The following NPTXR variants were observed in gnomAD, a reference collection of about 807,000 sequenced individuals.
NPTXR encodes neuronal pentraxin receptor.
In NPTXR, 12 loss-of-function variants were observed where a neutral mutation model predicts 32.2. That is an observed-to-expected ratio of 0.37 (90% CI 0.24 to 0.60). NPTXR has a LOEUF of 0.60. Ranked by LOEUF, NPTXR falls within the 20% of genes least tolerant of loss-of-function variation. The pLI is 0.66. For synonymous variants in NPTXR, 323 were observed against 315.8 expected (o/e 1.02, Z -0.24); for missense variants, 612 against 682.9 (o/e 0.90, Z 1.16).
In NPTXR at chr22:38,819,161, T is replaced by A. The variant is rs1191588049; in HGVS notation, c.*3448A>T. 2 of 152,268 alleles carry A rather than the reference T, an allele frequency of 1.3e-5. No individual in the cohort carries two copies. The highest frequency in any genetic ancestry group is 2.9e-5 in the Non-Finnish European group (2 of 68,064). 9.4% of individuals were successfully genotyped at this position (152,268 alleles called of 1,614,324 possible). A position where few individuals can be genotyped will look rare whatever the true frequency, so the allele number is the denominator to read the frequency against. ...ATGGGAAGATCTGGCAGATAACAGC[T>A]GGGAAGCAACTGGTGCAGGGCTTGG... On this transcript the variant is annotated 3_prime_UTR_variant, in exon 5 of 5. Transcript: ENST00000333039.
Position 38,823,136 on chromosome 22 carries a change from C to T in NPTXR, c.1225G>A (p.Ala409Thr). The change falls in exon 4 of 5, where the codon GCT becomes ACT. Residue 409 changes from alanine (A) to threonine (T), a missense_variant. Transcript: ENST00000333039. ...TGAGGCTTGATGGGGTGCCAGGCAG[C>T]CAGGTTCTCACCGGAGCCCTGCAGC... is the stretch of plus-strand genomic sequence containing the variant. The T allele has an allele frequency of 6.2e-7, 1 of 1,614,170 alleles. No individual in the cohort carries two copies.
intron 1 of NPTXR, among the ~76,000 whole-genome samples, chr22:38,835,808 C>G (rs1198902722): frequency 6.6e-6 from 1 of 152,178 alleles, no homozygotes; most frequent in African/African-American, 2.4e-5. Flanking sequence ...GCCTCAGCTT[C>G]CCCTGGAGTG....
chr22:38,832,361 C>A (rs1294138055), intron 1 of NPTXR, among the ~76,000 whole-genome samples: 3 of 152,240 alleles, frequency 2.0e-5, no homozygotes. Flanking sequence ...GACGCCAGCA[C>A]CCCCACTCAG....
Position 38,843,493 on chromosome 22 carries a change from C to A in NPTXR, c.366G>T (p.Glu122Asp). ...CGGCCGTGCTCTGCAGCAGCAGCAG[C>A]TCTTCGCGCTCGCCCGGCGCAGCGC... The change falls in exon 1 of 5, where the codon GAG becomes GAT. Residue 122 changes from glutamate (E) to aspartate (D), a missense_variant. By Grantham distance (45) the Glu-to-Asp change is conservative (BLOSUM62 2). Transcript: ENST00000333039. This position sits in a 1 kb window ranked among gnomAD's most constrained non-coding sequence, Gnocchi z 5.3. 1 of 1,294,066 alleles carries A rather than the reference C, an allele frequency of 7.7e-7. No individual in the cohort carries two copies. The highest frequency in any genetic ancestry group is 2.3e-5 in the South Asian group (1 of 43,046). 80.2% of individuals were successfully genotyped at this position (1,294,066 alleles called of 1,614,324 possible).
rs930438328 is a variant in NPTXR, at chr22:38,822,449, G to C, written c.*160C>G. ...ACAGGGGACACACTCGCAGGGCAGG[G>C]CATTCTGGAGGTGTGGGTACAGGTG... On this transcript the variant is annotated 3_prime_UTR_variant, in exon 5 of 5. Transcript: ENST00000333039. The C allele has an allele frequency of 1.5e-5, 10 of 648,776 alleles. No individual in the cohort carries two copies. In the African/African-American group the frequency reaches 1.8e-4, roughly 12 times the overall value. 40.2% of individuals were successfully genotyped at this position (648,776 alleles called of 1,614,324 possible).
Position 38,820,577 on chromosome 22 carries a change from C to T in NPTXR, c.*2032G>A, listed in dbSNP as rs1481995345. The T allele has an allele frequency of 1.3e-5, 2 of 152,212 alleles. No homozygotes were observed. Among genetic ancestry groups the T allele is most frequent in the Admixed American group, 6.5e-5 (1 of 15,286 alleles). The allele number at this position is 152,212 out of a possible 1,614,324, so 9.4% of individuals were successfully genotyped here. On this transcript the variant is annotated 3_prime_UTR_variant, in exon 5 of 5. Coordinates refer to ENST00000333039, the MANE Select transcript of NPTXR (RefSeq NM_014293.4). ...GCGCCCAGGGATCATAACCTCCTCC[C>T]CGCACTTCCTGGGGTGGGGATGCCA...
chr22:38,826,859 C>A, intron 2 of NPTXR, 112 bp from the exon 3 acceptor site: 1 of 1,254,732 alleles, frequency 8.0e-7, no homozygotes, highest in Non-Finnish European at 1.1e-6. Flanking sequence ...CTGCTGCATG[C>A]CCAGTGCCTT....
At chr22:38,824,624 G>GCGGGAA (rs2093103433) in intron 3 of NPTXR, among the ~76,000 whole-genome samples, 1 of 152,206 alleles carries the variant, frequency 6.6e-6, no homozygotes, top group Admixed American at 6.5e-5. Flanking sequence ...GGAACAGTGA[G>GCGGGAA]CAGTCTGTTA....
Position 38,826,396 on chromosome 22 carries a change from C to T in NPTXR, c.1098+104G>A. On this transcript the variant is annotated intron_variant, in intron 3 of 4. Transcript: ENST00000333039. Reference sequence around the variant, plus strand: ...AGGTACTTAATGTGTGCTGAATATGCAGAGCAGGAGAATGAGCAGGAGAAT... The same window carrying T: ...AGGTACTTAATGTGTGCTGAATATGTAGAGCAGGAGAATGAGCAGGAGAAT... 2.2e-6 allele frequency: 3 copies of T among 1,352,006 alleles called. No homozygotes were observed. The South Asian group carries it at 4.1e-5, about 18-fold the overall frequency. The allele number at this position is 1,352,006 out of a possible 1,614,324, so 83.8% of individuals were successfully genotyped here. A position where few individuals can be genotyped will look rare whatever the true frequency, so the allele number is the denominator to read the frequency against.
At chr22:38,839,144 C>T (rs1464913642) in intron 1 of NPTXR, among the ~76,000 whole-genome samples, 1 of 152,228 alleles carries the variant, frequency 6.6e-6, no homozygotes, top group Non-Finnish European at 1.5e-5. Context: ...TTGGCTCCCA[C>T]TCCAGGATGG....
rs764050642 is a variant in NPTXR, at chr22:38,826,637, C to T, written c.961G>A (p.Ala321Thr). The T allele has an allele frequency of 4.5e-5, 73 of 1,614,126 alleles. No homozygotes were observed. The highest frequency in any genetic ancestry group is 1.6e-4 in the Middle Eastern group (1 of 6,082). The stretch of plus-strand genomic sequence containing the variant: ...GACCTGGACCGCAGCCACATGCAGG[C>T]GGTGAATGCGTAGAGCTCGGGCAGA... The change falls in exon 3 of 5, where the codon GCC becomes ACC. Residue 321 changes from alanine to threonine, a missense_variant. By Grantham distance (58) the Ala-to-Thr change is moderately conservative. Coordinates refer to ENST00000333039, the MANE Select transcript of NPTXR (RefSeq NM_014293.4).
chr22:38,831,697 G>A (rs1008398152), intron 1 of NPTXR, among the ~76,000 whole-genome samples: 9 of 152,088 alleles, frequency 5.9e-5, no homozygotes, highest in African/African-American at 1.9e-4. Flanking sequence ...CTGGAAGGGC[G>A]GGCTGGGGCA....
At chr22:38,835,552 C>T (rs2093122755) in intron 1 of NPTXR, among the ~76,000 whole-genome samples, 2 of 152,110 alleles carry the variant, frequency 1.3e-5, no homozygotes, top group African/African-American at 4.8e-5. Context: ...GACCCCAGAC[C>T]GTGTCTAAAG....
rs955183438 is a variant in NPTXR, at chr22:38,820,617, T to C, written c.*1992A>G. ...TGGGGATGCCAAGATGTTTGGGTGT[T>C]GCATAAAGGAAGATGTTCAGGTGTC... On this transcript the variant is annotated 3_prime_UTR_variant, in exon 5 of 5. Transcript: ENST00000333039. 1 of 152,200 alleles carries C rather than the reference T, an allele frequency of 6.6e-6. No homozygotes were observed. Among genetic ancestry groups the C allele is most frequent in the African/African-American group, 2.4e-5 (1 of 41,414 alleles). The allele number at this position is 152,200 out of a possible 1,614,324, so 9.4% of individuals were successfully genotyped here. A position where few individuals can be genotyped will look rare whatever the true frequency, so the allele number is the denominator to read the frequency against.
At chr22:38,831,851 G>A (rs563426582) in intron 1 of NPTXR, among the ~76,000 whole-genome samples, 42 of 152,244 alleles carry the variant, frequency 2.8e-4, no homozygotes, top group African/African-American at 9.9e-4. Flanking sequence ...ATGAATCCTC[G>A]CAGCTGCTCG....
chr22:38,828,194 G>A (rs1389022974), intron 2 of NPTXR, 93 bp downstream of exon 2: 8 of 991,978 alleles, frequency 8.1e-6, no homozygotes, highest in East Asian at 4.8e-5. Flanking sequence ...CCAGTCTGTC[G>A]ATGTTAGCCT....
In NPTXR at chr22:38,826,669, C is replaced by A. The variant is rs376313574; in HGVS notation, c.929G>T (p.Arg310Leu). Residue 310 changes from arginine to leucine, a missense_variant, in exon 3 of 5, where the codon CGG (arginine) becomes CTG (leucine). Coordinates refer to ENST00000333039, the MANE Select transcript of NPTXR (RefSeq NM_014293.4). ...TGCGTAGAGCTCGGGCAGAGCCTTC[C>A]GCACGCGGGCGTACATGTAGTTGTT... is the stretch of plus-strand genomic sequence containing the variant. The A allele has an allele frequency of 6.2e-7, 1 of 1,614,142 alleles. No individual in the cohort carries two copies. Among genetic ancestry groups the A allele is most frequent in the Non-Finnish European group, 8.5e-7 (1 of 1,180,002 alleles).
At chr22:38,830,562 G>A (rs1033267855) in intron 1 of NPTXR, among the ~76,000 whole-genome samples, 9 of 152,262 alleles carry the variant, frequency 5.9e-5, no homozygotes, top group African/African-American at 1.7e-4. Flanking sequence ...TGGCTCGCCC[G>A]CCCCCTCTGC....
chr22:38,825,938 G>C (rs1211480690), intron 3 of NPTXR, among the ~76,000 whole-genome samples: 1 of 150,970 alleles, frequency 6.6e-6, no homozygotes, highest in African/African-American at 2.4e-5. Flanking sequence ...TGCCTCTCGG[G>C]TTCTGGCCAT....
Sources: gnomAD v4.1 joint callset for allele counts (sites outside exome capture counted in the v4.1 genomes callset) on GRCh38, gnomAD v4.1.1 for gene constraint, Gnocchi (gnomAD v3.1) non-coding constraint, MANE v1.5 for transcripts, NCBI Gene and HGNC (gene_info 2026-07-23, HGNC 2026-07-21) for gene names.